MAPK9: variants seen among roughly 807,000 people sequenced by gnomAD.
The protein encoded by MAPK9 is Jun kinase.
MAPK9 carries 30 observed loss-of-function variants against 57.1 expected under a neutral mutation model. The ratio of observed to expected loss-of-function variants is 0.53; its 90% CI spans 0.39 to 0.71. MAPK9 has a LOEUF of 0.71. Ranked by LOEUF, MAPK9 falls within the 30% of genes least tolerant of loss-of-function variation. The pLI, the probability that MAPK9 is intolerant of heterozygous loss-of-function variation, is 0.00. For missense variants in MAPK9, 362 were observed against 521.0 expected (o/e 0.69, Z 2.97); for synonymous variants, 155 against 177.0 (o/e 0.88, Z 0.99).
chr5:180,269,838 G>A (rs932277223), intron 2 of MAPK9, among the ~76,000 whole-genome samples: 3 of 152,280 alleles, frequency 2.0e-5, no homozygotes, highest in East Asian at 1.9e-4. Context: ...AATTCATGAG[G>A]AGAATAAATC....
chr5:180,288,443 T>C (rs1387376860), intron 1 of MAPK9, among the ~76,000 whole-genome samples: 2 of 152,242 alleles, frequency 1.3e-5, no homozygotes, highest in Non-Finnish European at 2.9e-5. Flanking sequence ...AATTTGAATA[T>C]TGACTAGTTA....
chr5:180,264,878 T>C (rs762859094), intron 3 of MAPK9, 39 bp from the exon 4 acceptor site: 38 of 1,448,118 alleles, frequency 2.6e-5, no homozygotes, highest in Non-Finnish European at 3.4e-5. Context: ...ATATGTCAGA[T>C]TACTTGATTA....
At chr5:180,255,666 C>T (rs977272035) in intron 5 of MAPK9, among the ~76,000 whole-genome samples, 9 of 152,214 alleles carry the variant, frequency 5.9e-5, no homozygotes, top group South Asian at 2.1e-4. Context: ...TACACGCTCA[C>T]GATGACGCAA....
At chr5:180,236,810 A>C in intron 11 of MAPK9, 1 of 239,158 alleles carries the variant, frequency 4.2e-6, no homozygotes, top group Non-Finnish European at 8.0e-6. Context: ...GCTACTTAAA[A>C]AATACCTGCT....
At chr5:180,285,678 T>TGTGGGAGGCCGAAG (rs1331091051) in intron 1 of MAPK9, among the ~76,000 whole-genome samples, 1 of 152,166 alleles carries the variant, frequency 6.6e-6, no homozygotes, top group African/African-American at 2.4e-5. Flanking sequence ...ATCCCAGCAC[T>TGTGGGAGGCCGAAG]GTGGGAGGCC....
chr5:180,260,370 A>G (rs1453955139), intron 5 of MAPK9, among the ~76,000 whole-genome samples: 1 of 152,224 alleles, frequency 6.6e-6, no homozygotes, highest in African/African-American at 2.4e-5. Flanking sequence ...TTCAAAAGTC[A>G]TCTGAGAACT....
chr5:180,257,653 G>A (rs1487317333), intron 5 of MAPK9: 1 of 152,256 alleles, frequency 6.6e-6, no homozygotes, highest in Non-Finnish European at 1.5e-5. Flanking sequence ...TAAGCAGGAT[G>A]CCATAGAATC....
chr5:180,233,397 G>C lies in MAPK9; in HGVS notation c.*2987C>G, dbSNP rs1050911508. ...ATTAGTTTTGAAAACACAGATTTAG[G>C]AATTTGCAGAATATTTTCAATAAGA... On this transcript the variant is annotated 3_prime_UTR_variant, in exon 12 of 12. Transcript: ENST00000452135. 1 of 152,182 alleles carries C rather than the reference G, an allele frequency of 6.6e-6. No individual in the cohort carries two copies. The highest frequency in any genetic ancestry group is 2.4e-5 in the African/African-American group (1 of 41,442). The allele number at this position is 152,182 out of a possible 1,614,324, so 9.4% of individuals were successfully genotyped here. A position where few individuals can be genotyped will look rare whatever the true frequency, so the allele number is the denominator to read the frequency against.
chr5:180,264,770 A>C lies in MAPK9; in HGVS notation c.311+11T>G. 1 of 1,564,702 alleles carries C rather than the reference A, an allele frequency of 6.4e-7. No homozygotes were observed. The highest frequency in any genetic ancestry group is 1.4e-5 in the African/African-American group (1 of 73,016). Reference sequence around the variant, plus strand: ...ATGTACAGTGCATTACTGAATAAAAATGATACTTACACATCTTGAAATTCT... The same window carrying C: ...ATGTACAGTGCATTACTGAATAAAACTGATACTTACACATCTTGAAATTCT... On this transcript the variant is annotated intron_variant, in intron 4 of 11. Coordinates refer to ENST00000452135, the MANE Select transcript of MAPK9 (RefSeq NM_002752.5).
intron 3 of MAPK9, among the ~76,000 whole-genome samples, chr5:180,267,324 C>T (rs62404888): frequency 1.1e-4 from 17 of 151,928 alleles, no homozygotes; most frequent in East Asian, 3.9e-4. Flanking sequence ...CACTTTGGGA[C>T]GCCGAGGCAG....
chr5:180,286,290 C>T (rs368009385), intron 1 of MAPK9, among the ~76,000 whole-genome samples: 3 of 148,614 alleles, frequency 2.0e-5, no homozygotes, highest in African/African-American at 7.4e-5. Context: ...GGACTACAGG[C>T]GCCCGCCAGC....
intron 3 of MAPK9, among the ~76,000 whole-genome samples, chr5:180,267,502 C>G (rs578204050): frequency 1.4e-5 from 2 of 140,850 alleles, no homozygotes; most frequent in South Asian, 4.4e-4. Flanking sequence ...GCGGAGCTTG[C>G]AGTGAGCTGA....
At chr5:180,267,525 G>A (rs968529111) in intron 3 of MAPK9, among the ~76,000 whole-genome samples, 3 of 140,474 alleles carry the variant, frequency 2.1e-5, no homozygotes, top group African/African-American at 8.0e-5. Context: ...TCGCGCCACT[G>A]CCCTCCAGGT....
chr5:180,269,095 C>A (rs546041796), intron 3 of MAPK9, among the ~76,000 whole-genome samples, 185 bp downstream of exon 3: 1 of 152,114 alleles, frequency 6.6e-6, no homozygotes, highest in Admixed American at 6.5e-5. Context: ...GCCGAGACTG[C>A]GCCACTGCAT....
chr5:180,253,527 T>C (rs745799778), intron 5 of MAPK9: 9 of 152,280 alleles, frequency 5.9e-5, no homozygotes, highest in Admixed American at 5.2e-4. Context: ...TTTCATTTTA[T>C]TGAAAGTCCA....
At chr5:180,242,968 A>C (rs1757781355) in intron 7 of MAPK9, 1 of 437,920 alleles carries the variant, frequency 2.3e-6, no homozygotes, top group Admixed American at 3.8e-5. Context: ...CTATGATCAC[A>C]GTTTATTAAA....
intron 6 of MAPK9, among the ~76,000 whole-genome samples, chr5:180,248,298 A>G (rs1758325411): frequency 6.6e-6 from 1 of 152,264 alleles, no homozygotes; most frequent in Admixed American, 6.5e-5. Context: ...CACAGGAAGC[A>G]CATGAAGCTG....
chr5:180,235,796 TTTTA>T lies in MAPK9; in HGVS notation c.*584_*587del, dbSNP rs1156595057. On this transcript the variant is annotated 3_prime_UTR_variant, in exon 12 of 12. Coordinates refer to ENST00000452135, the MANE Select transcript of MAPK9 (RefSeq NM_002752.5). ...CACAAATCTAAGAAAAGCTATATAT[TTTTA>T]TTTATTAAATAGATTTAATTATATG... The T allele has an allele frequency of 9.2e-5, 14 of 152,206 alleles. No homozygotes were observed. Among genetic ancestry groups the T allele is most frequent in the African/African-American group, 1.9e-4 (8 of 41,444 alleles). The allele number at this position is 152,206 out of a possible 1,614,324, so 9.4% of individuals were successfully genotyped here.
intron 5 of MAPK9, 136 bp downstream of exon 5, chr5:180,261,548 T>C: frequency 1.1e-6 from 1 of 920,372 alleles, no homozygotes; most frequent in East Asian, 2.8e-5. Context: ...AATGACTCTC[T>C]TAAAACACCA....
Sources: gnomAD v4.1 joint callset for allele counts (sites outside exome capture counted in the v4.1 genomes callset) on GRCh38, gnomAD v4.1.1 for gene constraint, MANE v1.5 for transcripts, NCBI Gene and HGNC (gene_info 2026-07-23, HGNC 2026-07-21) for gene names.